Variants in MAST2 observed in about 807,000 individuals in gnomAD.
MAST2 encodes the protein microtubule-associated serine/threonine-protein kinase 2.
MAST2 carries 70 observed loss-of-function variants against 147.4 expected under a neutral mutation model. The observed-to-expected ratio is 0.47, with a 90% CI of 0.39 to 0.58. MAST2 has a LOEUF of 0.58. MAST2 is among the 20% of genes least tolerant of loss of function. The pLI is 0.00. For missense variants in MAST2, 2,080 were observed against 2,302.3 expected (o/e 0.90, Z 1.98); for synonymous variants, 869 against 896.8 (o/e 0.97, Z 0.55).
At chr1:45,813,853 T>C (rs1174100472) in intron 1 of MAST2, among the ~76,000 whole-genome samples, 1 of 152,212 alleles carries the variant, frequency 6.6e-6, no homozygotes, top group East Asian at 1.9e-4. Context: ...AGTCTTGCTA[T>C]GTTGCCCAGG....
Position 46,034,971 on chromosome 1 carries a change from C to T in MAST2, c.4302C>T (p.His1434=), listed in dbSNP as rs376422715. Residue 1434 remains histidine, a synonymous_variant, in exon 29 of 29, where the codon CAC becomes CAT. Coordinates refer to ENST00000361297, the MANE Select transcript of MAST2 (RefSeq NM_015112.3). ...TSRKHSLDLP[H]SELKKELPPR... ...GCAAGCACAGCCTTGACCTGCCCCA[C>T]TCTGAACTAAAGAAGGAACTGCCGC... 3 of 1,614,132 alleles carry T rather than the reference C, an allele frequency of 1.9e-6. No individual in the cohort carries two copies. The highest frequency in any genetic ancestry group is 1.1e-5 in the South Asian group (1 of 91,090).
intron 4 of MAST2, among the ~76,000 whole-genome samples, chr1:45,925,813 A>G (rs551311680): frequency 5.3e-5 from 8 of 152,300 alleles, no homozygotes. Context: ...CTTTGCTTGA[A>G]CATCTTCAGC....
chr1:45,921,286 G>A lies in MAST2; in HGVS notation c.501-38100G>A, dbSNP rs916936493. On this transcript the variant is annotated intron_variant, in intron 4 of 28. Coordinates refer to ENST00000361297, the MANE Select transcript of MAST2 (RefSeq NM_015112.3). ...TGGGATTACAGGTGTGAGCCACCGT[G>A]CCCAGCCTATGTCTGTGGTCTTAAC... Among the ~76,000 whole-genome samples the A allele has an allele frequency of 6.6e-5, 10 of 152,294 alleles. No individual in the cohort carries two copies. The South Asian group carries it at 1.2e-3, about 19-fold the overall frequency.
In MAST2 at chr1:46,030,651, G is replaced by C. The variant is rs752077242; in HGVS notation, c.2598G>C (p.Arg866=). The C allele has an allele frequency of 1.2e-6, 2 of 1,611,768 alleles. No individual in the cohort carries two copies. Among genetic ancestry groups the C allele is most frequent in the African/African-American group, 2.7e-5 (2 of 74,850 alleles). ...GGCTCTCACTGCTCGAGGAGCGCCGGACACCACCCCCGACCAAGCGCAGCC... is the reference window on the plus strand; with the variant it reads ...GGCTCTCACTGCTCGAGGAGCGCCGCACACCACCCCCGACCAAGCGCAGCC... The part of the protein sequence containing the change: ...MERLSLLEER[R]TPPPTKRSLS... Residue 866 remains arginine, a synonymous_variant, in exon 22 of 29, where the codon CGG becomes CGC. Transcript: ENST00000361297.
intron 3 of MAST2, among the ~76,000 whole-genome samples, chr1:45,849,828 T>C (rs1645567257): frequency 2.6e-5 from 4 of 152,178 alleles, no homozygotes. Context: ...GCCCCGCCCA[T>C]ATTTTCTTTA....
At chr1:46,032,509 G>A (rs1278926828) in intron 25 of MAST2, 87 bp from the exon 26 acceptor site, 1 of 1,596,090 alleles carries the variant, frequency 6.3e-7, no homozygotes, top group Non-Finnish European at 8.6e-7. Context: ...GGGTGGTGGT[G>A]AAGGGGCTCA....
chr1:45,890,101 C>G (rs1227280002), intron 4 of MAST2, among the ~76,000 whole-genome samples: 1 of 152,176 alleles, frequency 6.6e-6, no homozygotes, highest in Non-Finnish European at 1.5e-5. Flanking sequence ...CAAGTCCCAG[C>G]TTACACCTCA....
chr1:45,905,847 GTATGT>G (rs1650628838), intron 4 of MAST2, among the ~76,000 whole-genome samples: 1 of 151,926 alleles, frequency 6.6e-6, no homozygotes. Context: ...ACTGGTAAGT[GTATGT>G]TTAAGTTTCT....
chr1:45,834,469 C>T (rs2147853917), intron 3 of MAST2, among the ~76,000 whole-genome samples: 1 of 152,056 alleles, frequency 6.6e-6, no homozygotes, highest in Admixed American at 6.5e-5. Flanking sequence ...ACTTATTTTC[C>T]CCATATATGT....
intron 4 of MAST2, among the ~76,000 whole-genome samples, chr1:45,922,579 G>T (rs1157391561): frequency 6.6e-6 from 1 of 152,222 alleles, no homozygotes; most frequent in Admixed American, 6.5e-5. Flanking sequence ...TCCCAACTTT[G>T]CTCCGAGGTT....
intron 4 of MAST2, among the ~76,000 whole-genome samples, chr1:45,888,721 G>A (rs1476461087): frequency 9.6e-6 from 1 of 104,402 alleles, no homozygotes; most frequent in African/African-American, 3.8e-5. Context: ...TTGCTCTCTC[G>A]CCCAGGCTGG....
chr1:45,859,795 T>A (rs1284288028), intron 3 of MAST2, among the ~76,000 whole-genome samples: 4 of 152,234 alleles, frequency 2.6e-5, no homozygotes, highest in African/African-American at 9.6e-5. Context: ...TTTGACTTTT[T>A]ATCTAGTCAT....
chr1:45,820,428 A>G (rs1644586488), intron 1 of MAST2, among the ~76,000 whole-genome samples: 2 of 152,184 alleles, frequency 1.3e-5, no homozygotes, highest in African/African-American at 4.8e-5. Flanking sequence ...ATTACATGTA[A>G]CATACTAAAT....
At position 45,994,351 on chromosome 1, in the gene MAST2, T is replaced by C. The variant is rs189583941; in HGVS notation, c.593-3373T>C. On this transcript the variant is annotated intron_variant, in intron 5 of 28. Coordinates refer to ENST00000361297, the MANE Select transcript of MAST2 (RefSeq NM_015112.3). ...GCCAGGCTGGAGTGCAGTGGCATGA[T>C]CTCGGCTCACTGCAACCTCCGCCTC... Among the ~76,000 whole-genome samples, 102 of 141,916 alleles carry C rather than the reference T, an allele frequency of 7.2e-4. 1 individual carries two copies. In the East Asian group the frequency reaches 0.023, roughly 32 times the overall value. 93.1% of individuals were successfully genotyped at this position (141,916 alleles called of 152,430 possible).
rs148901472 is a variant in MAST2 at position 45,969,102 on chromosome 1, C to T, written c.592+9625C>T. The stretch of plus-strand genomic sequence containing the variant: ...TGTTCTTGCGTGTTGTCTACTTTTC[C>T]CATTAAAGTGCTTAGCATAATTAAT... On this transcript the variant is annotated intron_variant, in intron 5 of 28. Transcript: ENST00000361297. Among the ~76,000 whole-genome samples the T allele has an allele frequency of 5.7e-3, 866 of 152,150 alleles. 9 individuals are homozygous for T. Among genetic ancestry groups the T allele is most frequent in the Non-Finnish European group, 9.2e-3 (627 of 68,004 alleles).
intron 4 of MAST2, among the ~76,000 whole-genome samples, chr1:45,940,288 C>T (rs955424162): frequency 1.3e-5 from 2 of 151,904 alleles, no homozygotes; most frequent in African/African-American, 2.4e-5. Context: ...TCACCATGCC[C>T]GGCCTATTTA....
intron 10 of MAST2, among the ~76,000 whole-genome samples, chr1:46,016,774 C>T (rs534516149): frequency 6.6e-6 from 1 of 152,264 alleles, no homozygotes; most frequent in South Asian, 2.1e-4. Flanking sequence ...GATTCAACAC[C>T]ATCCCCATCA....
chr1:46,008,947 GGA>G (rs1441108674), intron 9 of MAST2, among the ~76,000 whole-genome samples: 1 of 152,212 alleles, frequency 6.6e-6, no homozygotes, highest in Non-Finnish European at 1.5e-5. Context: ...TGCTGAGGAA[GGA>G]AAGTAGGTTG....
intron 4 of MAST2, among the ~76,000 whole-genome samples, chr1:45,927,205 C>G (rs926729499): frequency 6.6e-6 from 1 of 152,122 alleles, no homozygotes; most frequent in Non-Finnish European, 1.5e-5. Flanking sequence ...GGAGGCAGGG[C>G]GAGATCACAG....
Sources: allele counts gnomAD v4.1 joint callset (sites outside exome capture counted in the v4.1 genomes callset), GRCh38; gene constraint gnomAD v4.1.1; transcripts MANE v1.5; gene names NCBI Gene and HGNC (gene_info 2026-07-23, HGNC 2026-07-21).